DROSHA: variants seen among roughly 807,000 people sequenced by gnomAD.
DROSHA encodes ribonuclease 3.
DROSHA carries 56 observed loss-of-function variants against 181.9 expected under a neutral mutation model. That is an observed-to-expected ratio of 0.31 (90% CI 0.25 to 0.38). The LOEUF is 0.38. Ranked by LOEUF, DROSHA falls within the 10% of genes least tolerant of loss-of-function variation. The pLI is 1.00. For synonymous variants in DROSHA, 524 were observed against 591.2 expected (o/e 0.89, Z 1.65); for missense variants, 1,218 against 1,743.5 (o/e 0.70, Z 5.37).
At chr5:31,477,655 T>C (rs1022399386) in intron 16 of DROSHA, among the ~76,000 whole-genome samples, 18 of 152,176 alleles carry the variant, frequency 1.2e-4, no homozygotes, top group African/African-American at 4.1e-4. Flanking sequence ...TGATTCAGGA[T>C]TTGCAATGCT....
intron 3 of DROSHA, among the ~76,000 whole-genome samples, 168 bp downstream of exon 3, chr5:31,530,630 C>CAAAA (rs34124311): frequency 8.9e-6 from 1 of 112,646 alleles, no homozygotes; most frequent in African/African-American, 3.6e-5. Flanking sequence ...AACTCTAGCT[C>CAAAA]AAAAAAAAAA....
chr5:31,477,112 G>A (rs905220684), intron 16 of DROSHA, among the ~76,000 whole-genome samples: 12 of 152,152 alleles, frequency 7.9e-5, no homozygotes, highest in African/African-American at 2.2e-4. Flanking sequence ...CTCATTATTC[G>A]GGAAGAACTG....
intron 18 of DROSHA, 73 bp from the exon 19 acceptor site, chr5:31,466,354 T>G: frequency 2.4e-6 from 3 of 1,228,928 alleles, no homozygotes; most frequent in Non-Finnish European, 3.6e-6. Flanking sequence ...CCAGTTATTT[T>G]AAGAGGCCTC....
intron 11 of DROSHA, among the ~76,000 whole-genome samples, chr5:31,499,288 C>T (rs1213652903): frequency 6.6e-6 from 1 of 152,184 alleles, no homozygotes; most frequent in Non-Finnish European, 1.5e-5. Context: ...GTGTTGATTC[C>T]TAATAAACAT....
At chr5:31,460,599 A>G (rs1347336737) in intron 20 of DROSHA, among the ~76,000 whole-genome samples, 1 of 152,218 alleles carries the variant, frequency 6.6e-6, no homozygotes, top group Non-Finnish European at 1.5e-5. Flanking sequence ...CCAAACACAG[A>G]GGAAAAACTA....
chr5:31,463,723 G>A (rs555575652), intron 20 of DROSHA, among the ~76,000 whole-genome samples: 27 of 152,208 alleles, frequency 1.8e-4, no homozygotes, highest in South Asian at 1.2e-3. Context: ...ACTCTATTGC[G>A]TTCACCCAGG....
intron 24 of DROSHA, among the ~76,000 whole-genome samples, chr5:31,436,886 A>C (rs1744908974): frequency 6.6e-6 from 1 of 152,220 alleles, no homozygotes. Flanking sequence ...AAATCCTAGA[A>C]GATGAAATGA....
chr5:31,525,397 G>C (rs1740409456), intron 5 of DROSHA, among the ~76,000 whole-genome samples: 1 of 147,886 alleles, frequency 6.8e-6, no homozygotes, highest in East Asian at 2.0e-4. Context: ...CCAGCTACTT[G>C]GGAGGCTGAG....
In DROSHA at chr5:31,428,530, A is replaced by G. The variant is rs181663544; in HGVS notation, c.3216+945T>C. On this transcript the variant is annotated intron_variant, in intron 27 of 35. Transcript: ENST00000344624. ...AGCATCTGTAGATAATCTTCCCATA[A>G]GGAGGAAATTCATCCATAAAAATCA... 4.5e-3 allele frequency among the ~76,000 whole-genome samples: 687 copies of G among 152,384 alleles called. 6 individuals are homozygous for G. Among genetic ancestry groups the G allele is most frequent in the African/African-American group, 0.015 (640 of 41,596 alleles).
At chr5:31,420,705 C>G (rs1742556914) in intron 30 of DROSHA, among the ~76,000 whole-genome samples, 1 of 150,242 alleles carries the variant, frequency 6.7e-6, no homozygotes, top group South Asian at 2.1e-4. Flanking sequence ...CCCACCAAAT[C>G]CCAATGGCTA....
rs1473043245 is a variant in DROSHA at position 31,521,155 on chromosome 5, C to T, written c.915G>A (p.Arg305=). 2 of 1,613,584 alleles carry T rather than the reference C, an allele frequency of 1.2e-6. No individual in the cohort carries two copies. The highest frequency in any genetic ancestry group is 1.3e-5 in the African/African-American group (1 of 75,006). ...ATCTCTTATACTCTTTTTTGTAGGA[C>T]CTTTCCAGAGATGGTGATCTTCGGT... is the stretch of plus-strand genomic sequence containing the variant. ...RDNRRSPSLE[R]SYKKEYKRSG... The change falls in exon 6 of 36, where the codon AGG becomes AGA. Residue 305 remains arginine (R), a synonymous_variant. Transcript: ENST00000344624.
chr5:31,449,282 T>C lies in DROSHA; in HGVS notation c.2820A>G (p.Lys940=), dbSNP rs529344505. The C allele has an allele frequency of 6.2e-7, 1 of 1,613,800 alleles. No homozygotes were observed. Among genetic ancestry groups the C allele is most frequent in the East Asian group, 2.2e-5 (1 of 44,860 alleles). ...RKVHHMHMRK[K]GINTLINIMS... is the part of the protein sequence containing the mutation. ...CATCTTAAAATCATCCAGACATACC[T>C]TTCTTCCGCATGTGCATGTGATGAA... is the stretch of plus-strand genomic sequence containing the variant. Residue 940 remains lysine (K), a splice_region_variant and synonymous_variant, in exon 22 of 36, where the codon AAA becomes AAG. Coordinates refer to ENST00000344624, the MANE Select transcript of DROSHA (RefSeq NM_001382508.1).
chr5:31,465,027 G>A (rs1251169757), intron 19 of DROSHA, among the ~76,000 whole-genome samples: 1 of 149,008 alleles, frequency 6.7e-6, no homozygotes, highest in Non-Finnish European at 1.5e-5. Flanking sequence ...CCCATTAAAT[G>A]GCGTATTTCA....
intron 23 of DROSHA, among the ~76,000 whole-genome samples, chr5:31,440,179 A>T (rs368703392): frequency 6.6e-6 from 1 of 152,102 alleles, no homozygotes; most frequent in East Asian, 1.9e-4. Flanking sequence ...TCATTCCTAC[A>T]GTCAACTGGG....
At chr5:31,503,110 G>A (rs6883000) in intron 11 of DROSHA, among the ~76,000 whole-genome samples, 143,885 of 152,108 alleles carry the variant, frequency 0.95, 68,397 homozygotes, top group East Asian at 1. Context: ...AGAGGTACCA[G>A]GGTACCAAGC....
At position 31,504,642 on chromosome 5, in the gene DROSHA, G is replaced by GA; in HGVS notation, c.1588-8dup. The GA allele has an allele frequency of 6.2e-7, 1 of 1,613,712 alleles. No homozygotes were observed. On this transcript the variant is annotated splice_region_variant and splice_polypyrimidine_tract_variant and intron_variant, in intron 10 of 35. Transcript: ENST00000344624. The stretch of plus-strand genomic sequence containing the variant: ...AGAGTGGTCCATCATTCATCTGTCA[G>GA]AAACACAATGTAATTCGTTTTTATT...
chr5:31,422,695 A>C (rs911073762), intron 29 of DROSHA, 92 bp downstream of exon 29: 5 of 1,496,012 alleles, frequency 3.3e-6, no homozygotes, highest in Non-Finnish European at 4.5e-6. Context: ...ATATATTTGA[A>C]ATCCCAATTC....
intron 18 of DROSHA, chr5:31,466,513 G>A: frequency 2.4e-6 from 1 of 424,254 alleles, no homozygotes; most frequent in Non-Finnish European, 4.3e-6. Context: ...ATTTCAGTTG[G>A]AAATGAGGTG....
At chr5:31,506,970 A>C (rs950001061) in intron 10 of DROSHA, among the ~76,000 whole-genome samples, 11 of 152,178 alleles carry the variant, frequency 7.2e-5, no homozygotes, top group Non-Finnish European at 7.3e-5. Context: ...ACAGGTATCC[A>C]CGGAAATCAG....
Sources: allele counts gnomAD v4.1 joint callset (sites outside exome capture counted in the v4.1 genomes callset), GRCh38; gene constraint gnomAD v4.1.1; transcripts MANE v1.5; gene names NCBI Gene and HGNC (gene_info 2026-07-23, HGNC 2026-07-21).